The following VPS13B variants were observed in gnomAD, a reference collection of about 807,000 sequenced individuals.
VPS13B encodes intermembrane lipid transfer protein VPS13B.
A neutral mutation model predicts 426.4 loss-of-function variants in VPS13B; 285 were observed. The observed-to-expected ratio is 0.67, with a 90% CI of 0.61 to 0.74. VPS13B has a LOEUF of 0.74. VPS13B is among the 30% of genes least tolerant of loss of function. The pLI is 0.00. For missense variants in VPS13B, 4,537 were observed against 4,782.6 expected, an observed-to-expected ratio of 0.95 and a Z score of 1.51; for synonymous variants, 1,676 against 1,676.4, an observed-to-expected ratio of 1.00 and a Z score of 0.01.
At chr8:99,690,500 C>T (rs2130077031) in intron 35 of VPS13B, among the ~76,000 whole-genome samples, 1 of 152,222 alleles carries the variant, frequency 6.6e-6, no homozygotes, top group South Asian at 2.1e-4. Context: ...AGATAATCCA[C>T]AGAATGGGAG....
At chr8:99,031,630 G>T (rs368719423) in intron 2 of VPS13B, among the ~76,000 whole-genome samples, 4 of 152,196 alleles carry the variant, frequency 2.6e-5, no homozygotes, top group African/African-American at 9.7e-5. Flanking sequence ...GGGTGCAGTA[G>T]TGTAATTTCT....
intron 21 of VPS13B, among the ~76,000 whole-genome samples, chr8:99,423,758 C>T (rs1002006195): frequency 2.0e-5 from 3 of 152,142 alleles, no homozygotes; most frequent in South Asian, 2.1e-4. Flanking sequence ...GGTTTGATTG[C>T]ACTGTGGTCT....
At chr8:99,363,028 C>T (rs1812653594) in intron 19 of VPS13B, among the ~76,000 whole-genome samples, 2 of 152,090 alleles carry the variant, frequency 1.3e-5, no homozygotes, top group Admixed American at 6.5e-5. Flanking sequence ...TGATGTGACC[C>T]CCTTTGTCGA....
At position 99,036,984 on chromosome 8, in the gene VPS13B, C is replaced by T. The variant is rs1474335370; in HGVS notation, c.148-1439C>T. 2.6e-5 allele frequency among the ~76,000 whole-genome samples: 4 copies of T among 152,026 alleles called. No individual in the cohort carries two copies. The East Asian group carries it at 7.7e-4, about 29-fold the overall frequency. Reference sequence around the variant, plus strand: ...TGGGAAGATTCCTGACCCTTCATGTCTCAGATTCTTCATTGTAAAATGGGG... The same window carrying T: ...TGGGAAGATTCCTGACCCTTCATGTTTCAGATTCTTCATTGTAAAATGGGG... On this transcript the variant is annotated intron_variant, in intron 2 of 61. Coordinates refer to ENST00000357162, the MANE Select transcript of VPS13B (RefSeq NM_152564.5).
In VPS13B at chr8:99,823,888, T is replaced by TA; in HGVS notation, c.9240_9241insA (p.Glu3081ArgfsTer9). 6.2e-7 allele frequency: 1 copy of TA among 1,613,678 alleles called. No individual in the cohort carries two copies. The highest frequency in any genetic ancestry group is 2.2e-5 in the East Asian group (1 of 44,846). On this transcript the variant is annotated frameshift_variant, in exon 51 of 62. Coordinates refer to ENST00000357162, the MANE Select transcript of VPS13B (RefSeq NM_152564.5). LOFTEE classifies it high-confidence loss of function. Reference sequence around the variant, plus strand: ...AGCAAGGTATACAAATTATTCAGATTGAAGACAAGACTACAATAATCAATA... The same window carrying TA: ...AGCAAGGTATACAAATTATTCAGATTAGAAGACAAGACTACAATAATCAATA...
At chr8:99,634,492 C>G (rs1828994268) in intron 33 of VPS13B, among the ~76,000 whole-genome samples, 1 of 151,978 alleles carries the variant, frequency 6.6e-6, no homozygotes, top group Non-Finnish European at 1.5e-5. Context: ...AACTGTAGTA[C>G]TCTTTATCTT....
Position 99,391,639 on chromosome 8 carries a change from C to G in VPS13B, c.3017C>G (p.Ala1006Gly), listed in dbSNP as rs201566948. 191 of 1,613,964 alleles carry G rather than the reference C, an allele frequency of 1.2e-4. No homozygotes were observed. The highest frequency in any genetic ancestry group is 1.3e-4 in the South Asian group (12 of 91,090). The change falls in exon 21 of 62, where the codon GCA (alanine) becomes GGA (glycine). Residue 1006 changes from alanine to glycine, a missense_variant. Around this residue, in one of 2 missense-constraint regions of VPS13B, gnomAD observed 4,311 missense variants for 4,474.3 expected, o/e 0.96. Coordinates refer to ENST00000357162, the MANE Select transcript of VPS13B (RefSeq NM_152564.5). ...DEVSIGSAPL[A>G]KQQSYQASEY... ...GTGTCTATTGGAAGTGCCCCCTTGG[C>G]AAAGCAGCAATCATATCAGGCCTCT...
At chr8:99,575,946 T>G (rs1252229009) in intron 32 of VPS13B, among the ~76,000 whole-genome samples, 162 bp downstream of exon 32, 1 of 152,204 alleles carries the variant, frequency 6.6e-6, no homozygotes, top group Non-Finnish European at 1.5e-5. Context: ...TGTAGTACTC[T>G]TCAGTTATTG....
chr8:99,233,120 C>T (rs747641590), intron 17 of VPS13B: 121 of 1,352,202 alleles, frequency 8.9e-5, no homozygotes, highest in Non-Finnish European at 1.2e-4. Flanking sequence ...TGTACAGTTT[C>T]CCTGATACTG....
chr8:99,431,655 C>G lies in VPS13B; in HGVS notation c.3201C>G (p.Leu1067=). Residue 1067 remains leucine, a synonymous_variant, in exon 22 of 62, where the codon CTC becomes CTG. Transcript: ENST00000357162. ...TTGTTTGGAATGCAGTGAAGCATCT[C>G]ACACTACAGGTAAAATAAAAGTTAG... ...IGIVWNAVKH[L]TLQLEVQSCC... The G allele has an allele frequency of 6.2e-7, 1 of 1,612,998 alleles. No individual in the cohort carries two copies.
chr8:99,374,150 T>C (rs1299367804), intron 19 of VPS13B, among the ~76,000 whole-genome samples: 1 of 151,952 alleles, frequency 6.6e-6, no homozygotes, highest in African/African-American at 2.4e-5. Context: ...TTTCCTTATA[T>C]GTATTGTGTC....
intron 19 of VPS13B, among the ~76,000 whole-genome samples, chr8:99,323,903 G>T (rs990539674): frequency 4.6e-5 from 7 of 152,186 alleles, no homozygotes; most frequent in Non-Finnish European, 8.8e-5. Context: ...AGTATTTTAA[G>T]GTGAAATTGC....
At chr8:99,595,744 T>A (rs1826977466) in intron 33 of VPS13B, among the ~76,000 whole-genome samples, 1 of 151,924 alleles carries the variant, frequency 6.6e-6, no homozygotes, top group Non-Finnish European at 1.5e-5. Flanking sequence ...GGAGAAAATA[T>A]TTGCTAATCA....
At chr8:99,385,590 A>G (rs1440494172) in intron 20 of VPS13B, among the ~76,000 whole-genome samples, 5 of 152,238 alleles carry the variant, frequency 3.3e-5, no homozygotes, top group Non-Finnish European at 7.3e-5. Flanking sequence ...GGCCACAGAA[A>G]TAAAAGTCAT....
chr8:99,550,640 T>C (rs1289185169), intron 30 of VPS13B, among the ~76,000 whole-genome samples: 2 of 152,042 alleles, frequency 1.3e-5, no homozygotes, highest in Non-Finnish European at 2.9e-5. Context: ...TATTCTACTT[T>C]TTATGTTCAG....
intron 17 of VPS13B, among the ~76,000 whole-genome samples, chr8:99,247,355 C>T (rs775552571): frequency 1.3e-5 from 2 of 152,082 alleles, no homozygotes; most frequent in Non-Finnish European, 2.9e-5. Context: ...AACAGCATAC[C>T]ATATTTTCAT....
rs1304301439 is a variant in VPS13B at position 99,640,042 on chromosome 8, AG to A, written c.5221-1768del. Among the ~76,000 whole-genome samples the A allele has an allele frequency of 1.1e-4, 11 of 96,076 alleles. 2 individuals are homozygous for A. The highest frequency in any genetic ancestry group is 5.5e-4 in the East Asian group (2 of 3,656). The allele number at this position is 96,076 out of a possible 152,430, so 63.0% of individuals were successfully genotyped here. On this transcript the variant is annotated intron_variant, in intron 33 of 61. Transcript: ENST00000357162. ...AATAATAATAAGAAGAAGAAGAAGA[AG>A]AAGAAGAGAAAAGAAAAGAAAAGAA...
At chr8:99,785,718 C>T (rs1812224004) in intron 43 of VPS13B, among the ~76,000 whole-genome samples, 1 of 152,018 alleles carries the variant, frequency 6.6e-6, no homozygotes, top group Non-Finnish European at 1.5e-5. Context: ...CTATGGACTA[C>T]AAAAGTGAGA....
At chr8:99,502,125 C>T (rs1003536324) in intron 26 of VPS13B, among the ~76,000 whole-genome samples, 13 of 152,012 alleles carry the variant, frequency 8.6e-5, no homozygotes, top group Admixed American at 7.9e-4. Flanking sequence ...GCTGAGATTA[C>T]AGGCGTGCAC....
Sources: gnomAD v4.1 joint callset for allele counts (sites outside exome capture counted in the v4.1 genomes callset) on GRCh38, gnomAD v4.1.1 for gene constraint, gnomAD v4.1.1 regional missense constraint, MANE v1.5 for transcripts, NCBI Gene and HGNC (gene_info 2026-07-23, HGNC 2026-07-21) for gene names.